Variants in DTNBP1 observed in about 807,000 individuals in gnomAD.
DTNBP1 encodes the protein dysbindin.
Under a neutral mutation model 42.8 loss-of-function variants are expected in DTNBP1, and 35 were observed. The ratio of observed to expected loss-of-function variants is 0.82; its 90% CI spans 0.63 to 1.09. The LOEUF (loss-of-function observed/expected upper bound fraction) is 1.09. Among genes scored for constraint, DTNBP1 ranks in the 50% least tolerant of loss-of-function variants. The pLI is 0.00. For synonymous variants in DTNBP1, 171 were observed against 162.2 expected (o/e 1.05, Z -0.41); for missense variants, 457 against 424.2 (o/e 1.08, Z -0.68).
chr6:15,623,877 T>G (rs1259910561), intron 5 of DTNBP1, among the ~76,000 whole-genome samples: 1 of 152,244 alleles, frequency 6.6e-6, no homozygotes, highest in Non-Finnish European at 1.5e-5. Context: ...TACAGAATAC[T>G]AATATCACCA....
chr6:15,650,813 T>C (rs1728733966), intron 3 of DTNBP1, among the ~76,000 whole-genome samples: 2 of 152,214 alleles, frequency 1.3e-5, no homozygotes, highest in African/African-American at 4.8e-5. Context: ...ATTCTATGTT[T>C]TGTCACTCCA....
chr6:15,655,083 T>C (rs1293162582), intron 1 of DTNBP1, among the ~76,000 whole-genome samples: 1 of 152,146 alleles, frequency 6.6e-6, no homozygotes, highest in Non-Finnish European at 1.5e-5. Context: ...ATGTGGTTCA[T>C]TGTGTTATTC....
chr6:15,604,263 T>C (rs968367127), intron 6 of DTNBP1, among the ~76,000 whole-genome samples: 19 of 152,238 alleles, frequency 1.2e-4, no homozygotes, highest in African/African-American at 4.6e-4. Flanking sequence ...TCCTGGTGGA[T>C]GCAGAAGTCT....
At chr6:15,531,673 C>T (rs540209944) in intron 8 of DTNBP1, among the ~76,000 whole-genome samples, 38 of 152,234 alleles carry the variant, frequency 2.5e-4, no homozygotes, top group East Asian at 2.3e-3. Flanking sequence ...CTTGCTCTGT[C>T]GCCAGGCTGG....
At chr6:15,614,968 G>T in intron 6 of DTNBP1, 1 of 465,686 alleles carries the variant, frequency 2.1e-6, no homozygotes, top group Admixed American at 3.1e-5. Flanking sequence ...CCAGTCATTT[G>T]CCTCTTGGAG....
chr6:15,579,738 G>A, intron 7 of DTNBP1: 1 of 361,844 alleles, frequency 2.8e-6, no homozygotes, highest in East Asian at 8.0e-5. Flanking sequence ...CTGGGAGGCG[G>A]AGGTTGTGGT....
chr6:15,580,369 C>T (rs1419165473), intron 7 of DTNBP1, among the ~76,000 whole-genome samples: 1 of 152,116 alleles, frequency 6.6e-6, no homozygotes, highest in African/African-American at 2.4e-5. Context: ...TTCTAAAAAG[C>T]TAACGATGAA....
At chr6:15,623,503 G>C (rs537985731) in intron 5 of DTNBP1, among the ~76,000 whole-genome samples, 1 of 152,128 alleles carries the variant, frequency 6.6e-6, no homozygotes, top group Non-Finnish European at 1.5e-5. Context: ...AGTGAGCTAT[G>C]ATCACATCAC....
At chr6:15,617,909 A>G (rs183361478) in intron 5 of DTNBP1, among the ~76,000 whole-genome samples, 23 of 151,432 alleles carry the variant, frequency 1.5e-4, no homozygotes, top group African/African-American at 4.8e-4. Flanking sequence ...CTGCCTGGAG[A>G]AAAAAAAACA....
chr6:15,567,462 AAACAAACAAAC>A, intron 7 of DTNBP1, among the ~76,000 whole-genome samples: 1 of 9,798 alleles, frequency 1.0e-4, no homozygotes, highest in Non-Finnish European at 1.9e-4. Flanking sequence ...CTCGGGAAAC[AAACAAACAAAC>A]AAACAAACAA....
At position 15,587,938 on chromosome 6, in the gene DTNBP1, A is replaced by G. The variant is rs1776146536; in HGVS notation, c.511+5121T>C. 6.6e-6 allele frequency among the ~76,000 whole-genome samples: 1 copy of G among 152,222 alleles called. No homozygotes were observed. The highest frequency in any genetic ancestry group is 1.5e-5 in the Non-Finnish European group (1 of 68,030). ...TTAGAAAACAGTTCAGCAGTTTCTC[A>G]AAAAGTTAAACACAAACTTGTCATA... On this transcript the variant is annotated intron_variant, in intron 7 of 9. Coordinates refer to ENST00000344537, the MANE Select transcript of DTNBP1 (RefSeq NM_032122.5). The surrounding 1 kb of genome is among the most constrained non-coding windows in gnomAD (Gnocchi z 4.1).
In DTNBP1 at chr6:15,522,925, T is replaced by C; in HGVS notation, c.*50A>G. ...CTGGCTTTCCAGGTGGAATTCCGCA[T>C]ACAGCCAAAACTGGATTCCAGTGTG... is the stretch of plus-strand genomic sequence containing the variant. On this transcript the variant is annotated 3_prime_UTR_variant, in exon 10 of 10. Coordinates refer to ENST00000344537, the MANE Select transcript of DTNBP1 (RefSeq NM_032122.5). 6.2e-7 allele frequency: 1 copy of C among 1,614,172 alleles called. No homozygotes were observed. The highest frequency in any genetic ancestry group is 8.5e-7 in the Non-Finnish European group (1 of 1,180,038).
intron 3 of DTNBP1, among the ~76,000 whole-genome samples, chr6:15,640,845 G>A (rs1443958213): frequency 6.6e-6 from 1 of 152,182 alleles, no homozygotes; most frequent in Non-Finnish European, 1.5e-5. Flanking sequence ...GTCGACTTCA[G>A]GTTTTAGCAC....
intron 9 of DTNBP1, 143 bp from the exon 10 acceptor site, chr6:15,523,362 A>G: frequency 1.5e-6 from 2 of 1,329,626 alleles, no homozygotes; most frequent in South Asian, 1.2e-5. Flanking sequence ...GAACTTGGGA[A>G]CTGCCCTGGA....
intron 6 of DTNBP1, among the ~76,000 whole-genome samples, chr6:15,612,015 A>G (rs530495699): frequency 6.6e-6 from 1 of 152,370 alleles, no homozygotes; most frequent in Non-Finnish European, 1.5e-5. Context: ...TAATTCTACT[A>G]TGGGTGAAAT....
At chr6:15,607,060 G>A (rs1305068012) in intron 6 of DTNBP1, among the ~76,000 whole-genome samples, 1 of 149,910 alleles carries the variant, frequency 6.7e-6, no homozygotes, top group Non-Finnish European at 1.5e-5. Context: ...ACCCAGGCTG[G>A]AGTGCAGTGG....
chr6:15,567,290 T>TA lies in DTNBP1; in HGVS notation c.511+25768dup, dbSNP rs61019199. Among the ~76,000 whole-genome samples the TA allele has an allele frequency of 8.4e-3, 1,207 of 144,274 alleles. 19 individuals carry two copies. The highest frequency in any genetic ancestry group is 0.022 in the African/African-American group (864 of 39,440). The allele number at this position is 144,274 out of a possible 152,430, so 94.6% of individuals were successfully genotyped here. Reference sequence around the variant, plus strand: ...GGCAACACAGTGAGATCCTGTCTCTTAAAAAAAAAAAAATTAGATGGGCAT... The same window carrying TA: ...GGCAACACAGTGAGATCCTGTCTCTTAAAAAAAAAAAAAATTAGATGGGCAT... On this transcript the variant is annotated intron_variant, in intron 7 of 9. Transcript: ENST00000344537.
intron 7 of DTNBP1, among the ~76,000 whole-genome samples, chr6:15,534,054 C>T (rs925324166): frequency 2.0e-5 from 3 of 152,162 alleles, no homozygotes; most frequent in Non-Finnish European, 2.9e-5. Flanking sequence ...CACGAAAAGG[C>T]AAATGCTGTG....
At chr6:15,648,681 T>C (rs912033516) in intron 3 of DTNBP1, among the ~76,000 whole-genome samples, 3 of 151,902 alleles carry the variant, frequency 2.0e-5, no homozygotes, top group Non-Finnish European at 4.4e-5. Context: ...TTAACAAAGA[T>C]GATGAAAGAC....
Sources: gnomAD v4.1 joint callset for allele counts (sites outside exome capture counted in the v4.1 genomes callset) on GRCh38, gnomAD v4.1.1 for gene constraint, Gnocchi (gnomAD v3.1) non-coding constraint, MANE v1.5 for transcripts, NCBI Gene and HGNC (gene_info 2026-07-23, HGNC 2026-07-21) for gene names.